The following NKAIN3 variants were observed in gnomAD, a reference collection of about 807,000 sequenced individuals.
NKAIN3 encodes the protein sodium/potassium-transporting ATPase subunit beta-1-interacting protein 3.
A neutral mutation model predicts 30.2 loss-of-function variants in NKAIN3; 25 were observed. The observed-to-expected ratio is 0.83, with a 90% CI of 0.60 to 1.16. The LOEUF is 1.16. Among genes scored for constraint, NKAIN3 ranks in the 50% most tolerant of loss-of-function variants. The pLI is 0.00. For missense variants in NKAIN3, 225 were observed against 254.1 expected, an observed-to-expected ratio of 0.89 and a Z score of 0.78; for synonymous variants, 91 against 89.6, an observed-to-expected ratio of 1.02 and a Z score of -0.09.
At chr8:62,506,143 TA>T (rs11287128) in intron 1 of NKAIN3, among the ~76,000 whole-genome samples, 93,010 of 150,622 alleles carry the variant, frequency 0.62, 30,550 homozygotes, top group South Asian at 0.79. Flanking sequence ...AACCTCCCCA[TA>T]ACAAGATCCT....
At chr8:62,308,166 A>C (rs1182987903) in intron 1 of NKAIN3, among the ~76,000 whole-genome samples, 6 of 150,582 alleles carry the variant, frequency 4.0e-5, no homozygotes. Context: ...TTTAAATAAA[A>C]TGATACCTTT....
At chr8:62,326,037 T>C (rs1339085911) in intron 1 of NKAIN3, among the ~76,000 whole-genome samples, 1 of 151,972 alleles carries the variant, frequency 6.6e-6, no homozygotes, top group Non-Finnish European at 1.5e-5. Context: ...CATTTATTAG[T>C]TTTATTAATT....
chr8:62,739,859 T>C (rs1815807124), intron 3 of NKAIN3, among the ~76,000 whole-genome samples: 1 of 152,192 alleles, frequency 6.6e-6, no homozygotes, highest in Non-Finnish European at 1.5e-5. Context: ...CTGCTCTTTA[T>C]AGCCAACATC....
chr8:62,371,260 A>G (rs1434340062), intron 1 of NKAIN3, among the ~76,000 whole-genome samples: 3 of 151,772 alleles, frequency 2.0e-5, no homozygotes, highest in African/African-American at 7.2e-5. Context: ...ATCTTTTTTT[A>G]AACAATTTTT....
At chr8:62,523,008 ACATTCACTCACCACT>A (rs1563438660) in intron 1 of NKAIN3, among the ~76,000 whole-genome samples, 1 of 152,116 alleles carries the variant, frequency 6.6e-6, no homozygotes, top group Admixed American at 6.6e-5. Context: ...CTAGGCCTTC[ACATTCACTCACCACT>A]CACTCACTGA....
chr8:62,288,239 C>G (rs1281777966), intron 1 of NKAIN3, among the ~76,000 whole-genome samples: 1 of 150,836 alleles, frequency 6.6e-6, no homozygotes, highest in East Asian at 1.9e-4. Context: ...TAGTTCCTTT[C>G]TTTTTATCTT....
At chr8:62,643,816 T>C (rs1377593454) in intron 3 of NKAIN3, among the ~76,000 whole-genome samples, 2 of 149,384 alleles carry the variant, frequency 1.3e-5, no homozygotes, top group Non-Finnish European at 2.9e-5. Context: ...GTTGGATCTC[T>C]TGTTGTTTTT....
At chr8:62,555,539 A>G (rs1219253874) in intron 1 of NKAIN3, among the ~76,000 whole-genome samples, 1 of 152,094 alleles carries the variant, frequency 6.6e-6, no homozygotes, top group Non-Finnish European at 1.5e-5. Flanking sequence ...TAGTACAGAA[A>G]AATAAGATTT....
chr8:62,721,189 C>A (rs560460667), intron 3 of NKAIN3, among the ~76,000 whole-genome samples: 327 of 152,266 alleles, frequency 2.1e-3, no homozygotes, highest in Admixed American at 3.7e-3. Flanking sequence ...ATATGACTTT[C>A]CCCAAATAGA....
chr8:62,269,851 C>T (rs536810282), intron 1 of NKAIN3, among the ~76,000 whole-genome samples: 1 of 152,112 alleles, frequency 6.6e-6, no homozygotes, highest in South Asian at 2.1e-4. Flanking sequence ...CATAATTTCA[C>T]GAGATTCACT....
intron 4 of NKAIN3, among the ~76,000 whole-genome samples, chr8:62,798,574 C>G (rs564262268): frequency 6.6e-6 from 1 of 150,530 alleles, no homozygotes; most frequent in African/African-American, 2.4e-5. Flanking sequence ...TCCGTCCCCC[C>G]CAAAAAAAAA....
At chr8:62,518,337 G>A (rs1429801386) in intron 1 of NKAIN3, among the ~76,000 whole-genome samples, 2 of 152,126 alleles carry the variant, frequency 1.3e-5, no homozygotes, top group Non-Finnish European at 2.9e-5. Flanking sequence ...TCCAGGCTGA[G>A]CAAAATTCCA....
At chr8:62,555,103 G>A (rs1026749738) in intron 1 of NKAIN3, among the ~76,000 whole-genome samples, 1 of 150,832 alleles carries the variant, frequency 6.6e-6, no homozygotes, top group African/African-American at 2.4e-5. Context: ...CTTGACTGTA[G>A]TAATTATTTC....
At chr8:62,262,232 T>G (rs139941334) in intron 1 of NKAIN3, among the ~76,000 whole-genome samples, 1 of 152,300 alleles carries the variant, frequency 6.6e-6, no homozygotes, top group African/African-American at 2.4e-5. Context: ...AGAAGGTAGC[T>G]TTCCCTCATT....
At chr8:62,956,272 G>T (rs1823416573) in intron 6 of NKAIN3, among the ~76,000 whole-genome samples, 1 of 152,196 alleles carries the variant, frequency 6.6e-6, no homozygotes. Flanking sequence ...AGAGGGGAAT[G>T]AATGCTGGCT....
intron 4 of NKAIN3, among the ~76,000 whole-genome samples, chr8:62,874,047 C>A (rs1430334609): frequency 6.6e-6 from 1 of 151,824 alleles, no homozygotes; most frequent in African/African-American, 2.4e-5. Flanking sequence ...AATTCAGGAG[C>A]TGGTTTTTTG....
In NKAIN3 at chr8:62,502,964, C is replaced by A. The variant is rs577487030; in HGVS notation, c.55-76575C>A. 1.8e-4 allele frequency among the ~76,000 whole-genome samples: 28 copies of A among 152,272 alleles called. 1 individual carries two copies. Among genetic ancestry groups the A allele is most frequent in the Admixed American group, 1.6e-3 (24 of 15,286 alleles). On this transcript the variant is annotated intron_variant, in intron 1 of 6. Coordinates refer to ENST00000623646, the MANE Select transcript of NKAIN3 (RefSeq NM_001304533.3). ...TGAAAACTGCAAAACAGGTCCCCAACCCCTGGGCCACAGACTGGTACTGGT... is the reference window on the plus strand; with the variant it reads ...TGAAAACTGCAAAACAGGTCCCCAAACCCTGGGCCACAGACTGGTACTGGT...
chr8:62,598,106 A>G (rs1387668350), intron 3 of NKAIN3, among the ~76,000 whole-genome samples: 1 of 152,042 alleles, frequency 6.6e-6, no homozygotes, highest in African/African-American at 2.4e-5. Flanking sequence ...TCCTTAGTTT[A>G]GCAAGGTACA....
chr8:62,354,020 G>A (rs1374622198), intron 1 of NKAIN3, among the ~76,000 whole-genome samples: 1 of 152,178 alleles, frequency 6.6e-6, no homozygotes, highest in Non-Finnish European at 1.5e-5. Flanking sequence ...AGATGTTTAA[G>A]AGTGGATCTT....
Sources: allele counts gnomAD v4.1 joint callset (sites outside exome capture counted in the v4.1 genomes callset), GRCh38; gene constraint gnomAD v4.1.1; transcripts MANE v1.5; gene names NCBI Gene and HGNC (gene_info 2026-07-23, HGNC 2026-07-21).